Variants in CCDC138 observed in about 807,000 individuals in gnomAD.
CCDC138 encodes the protein coiled-coil domain-containing protein 138.
A neutral mutation model predicts 82.3 loss-of-function variants in CCDC138; 66 were observed. That is an observed-to-expected ratio of 0.80 (90% CI 0.66 to 0.98). The LOEUF is 0.98. Ranked by LOEUF, CCDC138 falls within the 50% of genes least tolerant of loss-of-function variation. CCDC138 has a pLI of 0.00. For missense variants in CCDC138, 816 were observed against 758.9 expected (o/e 1.08, Z -0.88); for synonymous variants, 297 against 265.4 (o/e 1.12, Z -1.16).
chr2:108,807,392 G>A (rs1683044546), intron 7 of CCDC138, among the ~76,000 whole-genome samples: 2 of 152,030 alleles, frequency 1.3e-5, no homozygotes, highest in Non-Finnish European at 2.9e-5. Context: ...ATTTTTAATT[G>A]ACATAATTAT....
intron 10 of CCDC138, among the ~76,000 whole-genome samples, chr2:108,831,720 C>CCTTCCTTCCTTCCTT (rs1387440855): frequency 6.6e-6 from 1 of 151,668 alleles, no homozygotes; most frequent in Non-Finnish European, 1.5e-5. Flanking sequence ...TTCCTTCCTT[C>CCTTCCTTCCTTCCTT]CTTCCTTCCT....
rs186049498 is a variant in CCDC138 at position 108,868,268 on chromosome 2, G to T, written c.1694-5183G>T. On this transcript the variant is annotated intron_variant, in intron 13 of 14. Transcript: ENST00000295124. ...GATATCATATTAGTATAGTATTGGT[G>T]CAGGGAGTCCATGGTGCCCCTTTTT... is the stretch of plus-strand genomic sequence containing the variant. 9.9e-4 allele frequency among the ~76,000 whole-genome samples: 151 copies of T among 152,294 alleles called. 1 individual carries two copies. Among genetic ancestry groups the T allele is most frequent in the African/African-American group, 3.4e-3 (142 of 41,556 alleles).
At chr2:108,878,878 A>C (rs1696196416), downstream of CCDC138, among the ~76,000 whole-genome samples, 2 of 152,246 alleles carry the variant, frequency 1.3e-5, no homozygotes, top group African/African-American at 4.8e-5. Context: ...CCTTTTGGAA[A>C]ATATCAAGGA....
intron 7 of CCDC138, among the ~76,000 whole-genome samples, chr2:108,808,347 C>G (rs767424870): frequency 4.1e-4 from 62 of 152,256 alleles, no homozygotes; most frequent in Non-Finnish European, 6.8e-4. Context: ...CTTCAATATA[C>G]TGATTTTCTC....
In CCDC138 at chr2:108,873,520, G is replaced by T; in HGVS notation, c.1763G>T (p.Arg588Leu). ...LFFRTCSVLLRAPKLDLQILE... is the reference protein window; with the variant it reads ...LFFRTCSVLLLAPKLDLQILE... Reference sequence around the variant, plus strand: ...TTTCGTACTTGCTCTGTGCTGCTTCGAGCCCCTAAGCTTGATCTTCAAATA... The same window carrying T: ...TTTCGTACTTGCTCTGTGCTGCTTCTAGCCCCTAAGCTTGATCTTCAAATA... Residue 588 changes from arginine (R) to leucine (L), a missense_variant, in exon 14 of 15, where the codon CGA becomes CTA. Arg to Leu is a moderately radical substitution (Grantham distance 102). Coordinates refer to ENST00000295124, the MANE Select transcript of CCDC138 (RefSeq NM_144978.3). The T allele has an allele frequency of 6.2e-7, 1 of 1,612,270 alleles. No homozygotes were observed. Among genetic ancestry groups the T allele is most frequent in the Non-Finnish European group, 8.5e-7 (1 of 1,179,180 alleles).
chr2:108,810,406 T>TA lies in CCDC138; in HGVS notation c.856-2223dup, dbSNP rs559174059. Reference sequence around the variant, plus strand: ...TTTTCTGTGTCTATTGAAATGATCGTAAGGTAATTATATTTCATTCTGTTA... The same window carrying TA: ...TTTTCTGTGTCTATTGAAATGATCGTAAAGGTAATTATATTTCATTCTGTTA... On this transcript the variant is annotated intron_variant, in intron 7 of 14. Transcript: ENST00000295124. 1.4e-4 allele frequency among the ~76,000 whole-genome samples: 21 copies of TA among 152,358 alleles called. No homozygotes were observed. In the South Asian group the frequency reaches 4.1e-3, roughly 30 times the overall value.
At chr2:108,864,793 C>CA (rs148029306) in intron 13 of CCDC138, among the ~76,000 whole-genome samples, 91,587 of 124,894 alleles carry the variant, frequency 0.73, 34,757 homozygotes, top group East Asian at 0.9. Flanking sequence ...GACTCCATCT[C>CA]AAAAAAAAAA....
intron 10 of CCDC138, among the ~76,000 whole-genome samples, chr2:108,823,949 C>G (rs1686138410): frequency 6.6e-6 from 1 of 151,806 alleles, no homozygotes; most frequent in Non-Finnish European, 1.5e-5. Flanking sequence ...TGCACTCCAG[C>G]CTGGGCCACA....
At chr2:108,853,907 T>G (rs111226347) in intron 12 of CCDC138, among the ~76,000 whole-genome samples, 2 of 121,100 alleles carry the variant, frequency 1.7e-5, no homozygotes, top group East Asian at 2.1e-4. Context: ...ATATTATATA[T>G]TATATAGTAT....
rs886637823 is a variant in CCDC138 at position 108,876,470 on chromosome 2, C to T, written c.*217C>T. On this transcript the variant is annotated 3_prime_UTR_variant, in exon 15 of 15. Transcript: ENST00000295124. ...AAGGTAATACTAATATACAAGATGG[C>T]GTTTCTAGAATGTATGACACTGAAG... 3.0e-5 allele frequency: 10 copies of T among 327,994 alleles called. No homozygotes were observed. Among genetic ancestry groups the T allele is most frequent in the Non-Finnish European group, 4.9e-5 (9 of 182,582 alleles). 20.3% of individuals were successfully genotyped at this position (327,994 alleles called of 1,614,324 possible). A position where few individuals can be genotyped will look rare whatever the true frequency, so the allele number is the denominator to read the frequency against.
At chr2:108,800,050 T>C (rs1203647896) in intron 6 of CCDC138, among the ~76,000 whole-genome samples, 1 of 152,222 alleles carries the variant, frequency 6.6e-6, no homozygotes, top group Non-Finnish European at 1.5e-5. Flanking sequence ...GTTTAAAAAC[T>C]ATGTATCACC....
chr2:108,881,841 A>T (rs1161165758), intron 1 of CCDC138, among the ~76,000 whole-genome samples: 1 of 152,144 alleles, frequency 6.6e-6, no homozygotes, highest in South Asian at 2.1e-4. Flanking sequence ...AACAATTACA[A>T]TAGTAACATC....
chr2:108,829,777 A>G (rs367801445), intron 10 of CCDC138, among the ~76,000 whole-genome samples: 2 of 152,210 alleles, frequency 1.3e-5, no homozygotes, highest in Non-Finnish European at 2.9e-5. Flanking sequence ...ACATACGTAC[A>G]TACAAGTGTT....
At chr2:108,810,903 C>T (rs992701681) in intron 7 of CCDC138, among the ~76,000 whole-genome samples, 8 of 152,066 alleles carry the variant, frequency 5.3e-5, no homozygotes, top group African/African-American at 1.9e-4. Flanking sequence ...CTTCTTGGTT[C>T]AGTCTTACGT....
At chr2:108,863,323 A>G (rs1355593793) in intron 13 of CCDC138, among the ~76,000 whole-genome samples, 2 of 152,224 alleles carry the variant, frequency 1.3e-5, no homozygotes, top group East Asian at 3.8e-4. Context: ...AAGCTTTCAC[A>G]TGGAAAAATT....
chr2:108,800,404 A>G lies in CCDC138; in HGVS notation c.735+1818A>G, dbSNP rs528590423. 9.3e-4 allele frequency among the ~76,000 whole-genome samples: 141 copies of G among 152,034 alleles called. 2 individuals carry two copies. In the South Asian group the frequency reaches 0.011, roughly 12 times the overall value. On this transcript the variant is annotated intron_variant, in intron 6 of 14. Coordinates refer to ENST00000295124, the MANE Select transcript of CCDC138 (RefSeq NM_144978.3). ...CTTAATCTCCTGAGTAGCTGGGAAT[A>G]CAGGCGCCCACCACCATGCCCGGCT...
intron 12 of CCDC138, among the ~76,000 whole-genome samples, chr2:108,853,077 G>A (rs1345877977): frequency 6.6e-6 from 1 of 152,150 alleles, no homozygotes; most frequent in East Asian, 1.9e-4. Context: ...AATTGCAAAA[G>A]TAAAAATGTT....
Position 108,788,891 on chromosome 2 carries a change from C to T in CCDC138, c.191C>T (p.Ser64Leu), listed in dbSNP as rs1457543526. ...DIYSGDKVGS[S>L]LKYSDESKHC... is the part of the protein sequence containing the mutation. ...TACTCTGGAGATAAAGTTGGTTCATCGTTAAAATATTCTGATGAAAGCAAG... is the reference window on the plus strand; with the variant it reads ...TACTCTGGAGATAAAGTTGGTTCATTGTTAAAATATTCTGATGAAAGCAAG... The change falls in exon 3 of 15, where the codon TCG becomes TTG. Residue 64 changes from serine (S) to leucine (L), a missense_variant. By Grantham distance (145) the Ser-to-Leu change is moderately radical (BLOSUM62 -2). Coordinates refer to ENST00000295124, the MANE Select transcript of CCDC138 (RefSeq NM_144978.3). 1.2e-6 allele frequency: 2 copies of T among 1,613,868 alleles called. No individual in the cohort carries two copies. The highest frequency in any genetic ancestry group is 1.3e-5 in the African/African-American group (1 of 74,914).
chr2:108,813,948 T>A (rs1457495083), intron 9 of CCDC138, among the ~76,000 whole-genome samples: 1 of 152,216 alleles, frequency 6.6e-6, no homozygotes, highest in Non-Finnish European at 1.5e-5. Context: ...CTCAATAGTA[T>A]TTCATTGTAT....
Sources: gnomAD v4.1 joint callset for allele counts (sites outside exome capture counted in the v4.1 genomes callset) on GRCh38, gnomAD v4.1.1 for gene constraint, MANE v1.5 for transcripts, NCBI Gene and HGNC (gene_info 2026-07-23, HGNC 2026-07-21) for gene names.